USH2A: variants seen among roughly 807,000 people sequenced by gnomAD.
USH2A encodes the protein Usher syndrome 2A (autosomal recessive, mild).
Under a neutral mutation model 538.9 loss-of-function variants are expected in USH2A, and 443 were observed. The observed-to-expected ratio is 0.82, with a 90% CI of 0.76 to 0.89. The LOEUF is 0.89. USH2A is among the 40% of genes least tolerant of loss of function. The pLI, the probability that USH2A is intolerant of heterozygous loss-of-function variation, is 0.00. For synonymous variants in USH2A, 2,413 were observed against 2,273.5 expected, an observed-to-expected ratio of 1.06 and a Z score of -1.75; for missense variants, 6,633 against 6,324.8, an observed-to-expected ratio of 1.05 and a Z score of -1.65.
intron 30 of USH2A, among the ~76,000 whole-genome samples, chr1:216,063,626 GAGA>G (rs1558237878): frequency 1.3e-5 from 2 of 152,160 alleles, no homozygotes; most frequent in African/African-American, 4.8e-5. Context: ...TGATGGCAGA[GAGA>G]AGACCAATTA....
At position 215,779,851 on chromosome 1, in the gene USH2A, G is replaced by T. The variant is rs185823130; in HGVS notation, c.10931C>A (p.Thr3644Lys). The change falls in exon 55 of 72, where the codon ACG (threonine) becomes AAG (lysine). Residue 3644 changes from threonine (T) to lysine (K), a missense_variant. Coordinates refer to ENST00000307340, the MANE Select transcript of USH2A (RefSeq NM_206933.4). ...TTTTTTTGTTTTCTCACCTGTGACC[G>T]TATGCTGTCTCCTGTCAGTGGTGTC... is the stretch of plus-strand genomic sequence containing the variant. Reference protein sequence around the residue: ...HTDTTDRRQHTVTGLQPYTNY... With the variant: ...HTDTTDRRQHKVTGLQPYTNY... The T allele has an allele frequency of 4.3e-6, 7 of 1,613,778 alleles. No homozygotes were observed. The South Asian group carries it at 6.6e-5, about 15-fold the overall frequency.
intron 21 of USH2A, among the ~76,000 whole-genome samples, chr1:216,152,517 C>T (rs1408918754): frequency 6.6e-6 from 1 of 151,934 alleles, no homozygotes; most frequent in African/African-American, 2.4e-5. Context: ...AGAACAAACC[C>T]CCTTTGACTG....
In USH2A at chr1:216,207,412, C is replaced by A. The variant is rs767648070; in HGVS notation, c.3177G>T (p.Pro1059=). 6.2e-7 allele frequency: 1 copy of A among 1,613,836 alleles called. No individual in the cohort carries two copies. The highest frequency in any genetic ancestry group is 8.5e-7 in the Non-Finnish European group (1 of 1,179,926). ...GCSKTPFQQP[P]PRGQVQSSSA... is the part of the protein sequence containing the mutation. ...AAGAACTTTGAACTTGTCCTCTGGGCGGAGGTTGCTGGAATGGAGCTAAAT... is the reference window on the plus strand; with the variant it reads ...AAGAACTTTGAACTTGTCCTCTGGGAGGAGGTTGCTGGAATGGAGCTAAAT... The change falls in exon 16 of 72, where the codon CCG becomes CCT. Residue 1059 remains proline (P), a synonymous_variant. Coordinates refer to ENST00000307340, the MANE Select transcript of USH2A (RefSeq NM_206933.4).
intron 61 of USH2A, among the ~76,000 whole-genome samples, chr1:215,683,587 G>C (rs1658314477): frequency 6.6e-6 from 1 of 152,130 alleles, no homozygotes; most frequent in African/African-American, 2.4e-5. Context: ...GTGGATCTTA[G>C]ATGTTTTGGA....
chr1:216,361,665 T>A (rs1353353021), intron 4 of USH2A, among the ~76,000 whole-genome samples: 1 of 152,158 alleles, frequency 6.6e-6, no homozygotes. Flanking sequence ...GATCAGGAAA[T>A]GCACTACATG....
chr1:216,174,933 A>G (rs1299740198), intron 21 of USH2A: 1 of 1,180,822 alleles, frequency 8.5e-7, no homozygotes, highest in Non-Finnish European at 1.1e-6. Flanking sequence ...TGCTCAGAGA[A>G]CACAGTGAAT....
At chr1:215,666,568 C>T (rs1261699094) in intron 64 of USH2A, among the ~76,000 whole-genome samples, 1 of 152,126 alleles carries the variant, frequency 6.6e-6, no homozygotes. Flanking sequence ...GCAGGGATTC[C>T]AGAACCCATC....
intron 9 of USH2A, among the ~76,000 whole-genome samples, chr1:216,315,839 T>C (rs1261485698): frequency 1.3e-5 from 2 of 152,178 alleles, no homozygotes; most frequent in African/African-American, 4.8e-5. Context: ...TATATAATGA[T>C]TCATGCAAGT....
At chr1:215,856,832 GGTGTGTGT>G (rs71159889) in intron 44 of USH2A, among the ~76,000 whole-genome samples, 10,365 of 141,910 alleles carry the variant, frequency 0.073, 729 homozygotes, top group African/African-American at 0.19. Context: ...AAAAAAATTT[GGTGTGTGT>G]GTGTGTGTGT....
chr1:216,299,941 G>T (rs945984938), intron 9 of USH2A, among the ~76,000 whole-genome samples: 10 of 151,960 alleles, frequency 6.6e-5, no homozygotes, highest in African/African-American at 2.4e-4. Context: ...TGCCTATTTG[G>T]GTCTTTGATC....
intron 37 of USH2A, among the ~76,000 whole-genome samples, chr1:215,938,086 C>T (rs1666551825): frequency 6.6e-6 from 1 of 151,930 alleles, no homozygotes; most frequent in Admixed American, 6.6e-5. Flanking sequence ...ACAATGATTA[C>T]TCAGTAATTA....
At chr1:216,037,673 C>T (rs2030050792) in intron 32 of USH2A, among the ~76,000 whole-genome samples, 1 of 152,054 alleles carries the variant, frequency 6.6e-6, no homozygotes, top group Non-Finnish European at 1.5e-5. Flanking sequence ...GTAGAAAGTT[C>T]ACTCAACTTT....
At chr1:216,072,426 C>T in intron 29 of USH2A, 1 of 230,450 alleles carries the variant, frequency 4.3e-6, no homozygotes, top group Non-Finnish European at 8.7e-6. Flanking sequence ...ACGGGGCAAA[C>T]ATCTGCAATG....
At chr1:216,027,011 TTTGC>T (rs1668982983) in intron 32 of USH2A, among the ~76,000 whole-genome samples, 1 of 152,206 alleles carries the variant, frequency 6.6e-6, no homozygotes, top group Admixed American at 6.5e-5. Context: ...TATATAAATG[TTTGC>T]TTAATTTTTA....
Position 215,650,695 on chromosome 1 carries a change from G to T in USH2A, c.14240C>A (p.Ser4747Tyr). 1.2e-6 allele frequency: 2 copies of T among 1,614,068 alleles called. No homozygotes were observed. Among genetic ancestry groups the T allele is most frequent in the Non-Finnish European group, 1.7e-6 (2 of 1,180,012 alleles). ...GATGTTGACCACTGCTTGGGTAGAA[G>T]AGATCACATGGAACGTGGGGGCTCT... is the stretch of plus-strand genomic sequence containing the variant. ...GLRAPTFHVI[S>Y]STQAVVNISA... The change falls in exon 65 of 72, where the codon TCT becomes TAT. Residue 4747 changes from serine to tyrosine, a missense_variant. Physicochemically the swap from Ser to Tyr is moderately radical, Grantham distance 144. Coordinates refer to ENST00000307340, the MANE Select transcript of USH2A (RefSeq NM_206933.4).
chr1:215,928,823 C>A (rs1466919211), intron 38 of USH2A, among the ~76,000 whole-genome samples: 3 of 151,944 alleles, frequency 2.0e-5, no homozygotes, highest in Non-Finnish European at 4.4e-5. Flanking sequence ...ACAGCAATAC[C>A]CGAAAGAATA....
intron 32 of USH2A, among the ~76,000 whole-genome samples, chr1:216,038,128 G>A (rs528217632): frequency 1.2e-4 from 18 of 152,156 alleles, no homozygotes; most frequent in Admixed American, 1.2e-3. Context: ...GTCTGCCACT[G>A]CAGGCTTCAT....
At chr1:216,264,789 A>G (rs1423170319) in intron 11 of USH2A, among the ~76,000 whole-genome samples, 1 of 152,168 alleles carries the variant, frequency 6.6e-6, no homozygotes, top group East Asian at 1.9e-4. Context: ...GGTTTTCAAC[A>G]AAGTCACCAA....
rs1027640790 is a variant in USH2A at position 216,133,384 on chromosome 1, A to G, written c.4628-36171T>C. On this transcript the variant is annotated intron_variant, in intron 21 of 71. Transcript: ENST00000307340. ...AACTGAGAAGTCTCAAATGCTGTCT[A>G]CCTACAGGGATAGCTGAACTTGGTG... is the stretch of plus-strand genomic sequence containing the variant. 3.9e-5 allele frequency among the ~76,000 whole-genome samples: 6 copies of G among 152,216 alleles called. No homozygotes were observed. In the South Asian group the frequency reaches 1.2e-3, roughly 32 times the overall value.
Sources: gnomAD v4.1 joint callset for allele counts (sites outside exome capture counted in the v4.1 genomes callset) on GRCh38, gnomAD v4.1.1 for gene constraint, MANE v1.5 for transcripts, NCBI Gene and HGNC (gene_info 2026-07-23, HGNC 2026-07-21) for gene names.